PWWP2A: variants seen among roughly 807,000 people sequenced by gnomAD.
PWWP2A encodes the protein PWWP domain containing 2A.
A neutral mutation model predicts 48.5 loss-of-function variants in PWWP2A; 18 were observed. The observed-to-expected ratio is 0.37, with a 90% confidence interval of 0.26 to 0.55. The LOEUF (loss-of-function observed/expected upper bound fraction) is 0.55, where lower values mean the gene tolerates loss of function less well. PWWP2A is among the 20% of genes least tolerant of loss of function. The pLI, the probability that PWWP2A is intolerant of heterozygous loss-of-function variation, is 0.81. For synonymous variants in PWWP2A, 396 were observed against 387.7 expected, an observed-to-expected ratio of 1.02 and a Z score of -0.25; for missense variants, 867 against 976.4, an observed-to-expected ratio of 0.89 and a Z score of 1.49.
rs1313844334 is a variant in PWWP2A, at chr5:160,114,173, G to C, written c.584+4632C>G. On this transcript the variant is annotated intron_variant, in intron 1 of 1. Transcript: ENST00000307063. ...GTAGAGTCTAAAGTATCTTGGCTGAGTGCAGTGGCTCACACCTGTAATCCC... is the reference window on the plus strand; with the variant it reads ...GTAGAGTCTAAAGTATCTTGGCTGACTGCAGTGGCTCACACCTGTAATCCC... 2.6e-5 allele frequency among the ~76,000 whole-genome samples: 4 copies of C among 152,320 alleles called. No individual in the cohort carries two copies. In the East Asian group the frequency reaches 7.7e-4, roughly 29 times the overall value.
chr5:160,105,431 G>A (rs567703027), intron 1 of PWWP2A, among the ~76,000 whole-genome samples: 4 of 151,234 alleles, frequency 2.6e-5, no homozygotes, highest in East Asian at 1.9e-4. Context: ...CCAGCTACTC[G>A]GGAGGCTGAG....
chr5:160,118,912 G>A lies in PWWP2A; in HGVS notation c.477C>T (p.Gly159=). Residue 159 remains glycine (G), a synonymous_variant, in exon 1 of 2, where the codon GGC becomes GGT. Transcript: ENST00000307063. ...GDSTVSQLIP[G]SEVRVTLDHI... ...GGTCCAGCGTGACCCGCACCTCCGA[G>A]CCCGGGATCAGTTGCGACACCGTGG... 6 of 1,602,258 alleles carry A rather than the reference G, an allele frequency of 3.7e-6. No individual in the cohort carries two copies. Among genetic ancestry groups the A allele is most frequent in the East Asian group, 2.3e-5 (1 of 43,692 alleles).
chr5:160,062,934 C>T lies in PWWP2A; in HGVS notation c.*368+608G>A, dbSNP rs150571960. On this transcript the variant is annotated intron_variant and NMD_transcript_variant, in intron 5 of 5. Transcript: ENST00000524050. ...TCTTTCTCTTGCTTGTTGTGAGCCC[C>T]TCCCTCTACGCCCATGTGCCCGAGG... 5.6e-3 allele frequency among the ~76,000 whole-genome samples: 859 copies of T among 152,264 alleles called. 13 individuals carry two copies. Among genetic ancestry groups the T allele is most frequent in the African/African-American group, 0.02 (822 of 41,548 alleles).
intron 1 of PWWP2A, chr5:160,105,699 A>AT (rs1375628933): frequency 1.0e-6 from 1 of 977,184 alleles, no homozygotes; most frequent in African/African-American, 1.8e-5. Context: ...AGAGAAAAAG[A>AT]TTAAGAAAGA....
the PWWP2A span, among the ~76,000 whole-genome samples, chr5:160,048,237 C>T: frequency 3.6e-5 from 5 of 139,842 alleles, no homozygotes; most frequent in African/African-American, 7.9e-5. Flanking sequence ...ACGCAACCTC[C>T]GCCTCCTGGG....
rs1450876384 is a variant in PWWP2A, at chr5:160,078,636, C to A, written c.1670-468G>T. Among the ~76,000 whole-genome samples, 1 of 152,120 alleles carries A rather than the reference C, an allele frequency of 6.6e-6. No homozygotes were observed. The highest frequency in any genetic ancestry group is 1.9e-4 in the East Asian group (1 of 5,194). On this transcript the variant is annotated intron_variant, in intron 3 of 3. Coordinates refer to the PWWP2A transcript ENST00000456329. The surrounding 1 kb of genome is among the most constrained non-coding windows in gnomAD (Gnocchi z 4.2). ...TAAGGAACAAATTTATATACAGAGCCAGGCTATGTACAAATCAGCAGCAGG... is the reference window on the plus strand; with the variant it reads ...TAAGGAACAAATTTATATACAGAGCAAGGCTATGTACAAATCAGCAGCAGG...
chr5:160,066,295 C>CGTTTTTTTTTTTTT (rs748083955), intron 4 of PWWP2A, among the ~76,000 whole-genome samples: 1 of 57,954 alleles, frequency 1.7e-5, no homozygotes, highest in Non-Finnish European at 3.9e-5. Context: ...AAGTGGTTCT[C>CGTTTTTTTTTTTTT]ATTTTTTTTT....
intron 1 of PWWP2A, chr5:160,117,807 CAAGTTT>C: frequency 4.7e-6 from 4 of 843,516 alleles, no homozygotes; most frequent in Non-Finnish European, 5.7e-6. Context: ...GGAGAGCAAG[CAAGTTT>C]AAGAGTAAAA....
the PWWP2A span, among the ~76,000 whole-genome samples, chr5:160,052,899 A>C: frequency 7.9e-5 from 12 of 152,198 alleles, no homozygotes; most frequent in African/African-American, 2.9e-4. Flanking sequence ...CTGCCATTAG[A>C]CTTAACCAAC....
downstream of PWWP2A, among the ~76,000 whole-genome samples, chr5:160,061,184 G>A (rs561276283): frequency 1.3e-5 from 2 of 152,300 alleles, no homozygotes; most frequent in South Asian, 2.1e-4. Flanking sequence ...ATTGGCTCAC[G>A]CTGTTTGGGC....
At chr5:160,113,544 C>T (rs1456025229) in intron 1 of PWWP2A, among the ~76,000 whole-genome samples, 1 of 152,160 alleles carries the variant, frequency 6.6e-6, no homozygotes, top group Non-Finnish European at 1.5e-5. Flanking sequence ...ATAACTAGTC[C>T]TTTTGAAGAC....
At chr5:160,045,550 T>TCTCTCC in the PWWP2A span, among the ~76,000 whole-genome samples, 1 of 119,074 alleles carries the variant, frequency 8.4e-6, no homozygotes, top group Non-Finnish European at 1.7e-5. Flanking sequence ...TCTCTCTCTC[T>TCTCTCC]CTCCCCCTCC....
intron 2 of PWWP2A, among the ~76,000 whole-genome samples, chr5:160,086,081 A>G (rs1249889061): frequency 3.9e-5 from 6 of 152,134 alleles, no homozygotes; most frequent in Non-Finnish European, 5.9e-5. Context: ...AGCCTCCCAA[A>G]GTGCTGGGAT....
chr5:160,086,029 C>T lies in PWWP2A; in HGVS notation c.1550-5259G>A, dbSNP rs111878693. Among the ~76,000 whole-genome samples the T allele has an allele frequency of 3.3e-5, 5 of 151,164 alleles. No homozygotes were observed. The South Asian group carries it at 8.4e-4, about 25-fold the overall frequency. ...AGACGGGGTTTCACCATGTTGGCCA[C>T]GCTGGCCTTGAACTCCTTAACTCAG... is the stretch of plus-strand genomic sequence containing the variant. On this transcript the variant is annotated intron_variant, in intron 2 of 3. Coordinates refer to the PWWP2A transcript ENST00000456329.
rs757435522 is a variant in PWWP2A, at chr5:160,119,027, G to A, written c.362C>T (p.Pro121Leu). ...CTCCTCGGGAGCCGGGGGCTGCTCC[G>A]GCGGCGATGCAGGAGAAGGTGGAAG... ...PELPPSPASP[P>L]EQPPAPEERE... The change falls in exon 1 of 2, where the codon CCG becomes CTG. Residue 121 changes from proline to leucine, a missense_variant. Pro to Leu is a moderately conservative substitution (Grantham distance 98, BLOSUM62 -3). Coordinates refer to ENST00000307063, the MANE Select transcript of PWWP2A (RefSeq NM_001130864.2). 4.4e-6 allele frequency: 7 copies of A among 1,598,232 alleles called. No homozygotes were observed. The South Asian group carries it at 5.5e-5, about 13-fold the overall frequency.
At chr5:160,107,489 A>C (rs1757018542) in intron 1 of PWWP2A, among the ~76,000 whole-genome samples, 1 of 152,222 alleles carries the variant, frequency 6.6e-6, no homozygotes, top group African/African-American at 2.4e-5. Context: ...CCAGGAAATA[A>C]TGATGCACTT....
chr5:160,093,557 G>C lies in PWWP2A; in HGVS notation c.1093C>G (p.Leu365Val), dbSNP rs751867391. ...NESVTTVNKK[L>V]KTDHKVDGKN... is the part of the protein sequence containing the mutation. Reference sequence around the variant, plus strand: ...CCATCCACTTTATGGTCAGTTTTCAGTTTTTTGTTCACAGTAGTTACACTT... The same window carrying C: ...CCATCCACTTTATGGTCAGTTTTCACTTTTTTGTTCACAGTAGTTACACTT... The change falls in exon 2 of 2, where the codon CTG becomes GTG. Residue 365 changes from leucine to valine, a missense_variant. Leu to Val is a conservative substitution (Grantham distance 32). Transcript: ENST00000307063. This position sits in a 1 kb window ranked among gnomAD's most constrained non-coding sequence, Gnocchi z 5.8. The C allele has an allele frequency of 6.8e-6, 11 of 1,613,216 alleles. No individual in the cohort carries two copies. The Admixed American group carries it at 1.3e-4, about 20-fold the overall frequency.
the PWWP2A span, among the ~76,000 whole-genome samples, chr5:160,046,349 C>T: frequency 6.6e-6 from 1 of 152,262 alleles, no homozygotes; most frequent in African/African-American, 2.4e-5. Flanking sequence ...TTAAAATTCT[C>T]TCTCTTAAAT....
intron 1 of PWWP2A, among the ~76,000 whole-genome samples, chr5:160,104,198 G>A (rs113773995): frequency 0.011 from 1,647 of 151,318 alleles, 30 homozygotes; most frequent in African/African-American, 0.038. Context: ...GCTCATGCCT[G>A]TAATCCTAGC....
Sources: gnomAD v4.1 joint callset for allele counts (sites outside exome capture counted in the v4.1 genomes callset) on GRCh38, gnomAD v4.1.1 for gene constraint, Gnocchi (gnomAD v3.1) non-coding constraint, MANE v1.5 for transcripts, NCBI Gene and HGNC (gene_info 2026-07-23, HGNC 2026-07-21) for gene names.